ANO3: variants seen among roughly 807,000 people sequenced by gnomAD.
The protein encoded by ANO3 is anoctamin-3.
ANO3 carries 99 observed loss-of-function variants against 144.8 expected under a neutral mutation model. That is an observed-to-expected ratio of 0.68 (90% CI 0.58 to 0.81). The LOEUF (loss-of-function observed/expected upper bound fraction) is 0.81. Among genes scored for constraint, ANO3 ranks in the 30% least tolerant of loss-of-function variants. The pLI, the probability that ANO3 is intolerant of heterozygous loss-of-function variation, is 0.00. For missense variants in ANO3, 905 were observed against 1,202.2 expected (o/e 0.75, Z 3.66); for synonymous variants, 414 against 392.6 (o/e 1.05, Z -0.64).
At chr11:26,478,940 G>C (rs1464089660) in intron 4 of ANO3, among the ~76,000 whole-genome samples, 1 of 152,182 alleles carries the variant, frequency 6.6e-6, no homozygotes, top group African/African-American at 2.4e-5. Context: ...CCAGTTTTAT[G>C]TGTTGCCCAA....
upstream of ANO3, among the ~76,000 whole-genome samples, chr11:26,305,459 G>T (rs903432434): frequency 1.3e-5 from 2 of 150,496 alleles, no homozygotes; most frequent in African/African-American, 4.9e-5. Flanking sequence ...TTAGCATGGG[G>T]TTTTTCCACC....
At chr11:26,220,312 A>G (rs1325198222) in intron 1 of ANO3, among the ~76,000 whole-genome samples, 1 of 152,208 alleles carries the variant, frequency 6.6e-6, no homozygotes, top group African/African-American at 2.4e-5. Context: ...TATAGGCAGG[A>G]TGATCAGGCA....
At chr11:26,621,960 A>C (rs1056321292) in intron 17 of ANO3, among the ~76,000 whole-genome samples, 1 of 152,294 alleles carries the variant, frequency 6.6e-6, no homozygotes, top group South Asian at 2.1e-4. Context: ...AATCACACAC[A>C]AATGTACACA....
At chr11:26,268,292 T>A (rs931425414) in intron 1 of ANO3, among the ~76,000 whole-genome samples, 1 of 152,212 alleles carries the variant, frequency 6.6e-6, no homozygotes, top group Non-Finnish European at 1.5e-5. Flanking sequence ...ATGGGATTAA[T>A]GGCATCAATA....
intron 1 of ANO3, among the ~76,000 whole-genome samples, chr11:26,435,058 CTT>C (rs1023549428): frequency 4.6e-5 from 7 of 152,150 alleles, no homozygotes; most frequent in African/African-American, 1.7e-4. Flanking sequence ...GTTGAAGTCT[CTT>C]TGTAGGTCTC....
chr11:26,521,909 G>T (rs2134161173), intron 6 of ANO3, among the ~76,000 whole-genome samples: 1 of 152,288 alleles, frequency 6.6e-6, no homozygotes, highest in Admixed American at 6.5e-5. Context: ...GAGCGGCCGG[G>T]CGCGGTGGCT....
intron 1 of ANO3, among the ~76,000 whole-genome samples, chr11:26,227,570 G>A (rs1287908186): frequency 6.6e-6 from 1 of 152,150 alleles, no homozygotes; most frequent in Admixed American, 6.5e-5. Flanking sequence ...CTCTACAGTT[G>A]ATATTGGGAA....
intron 1 of ANO3, among the ~76,000 whole-genome samples, chr11:26,351,974 C>T (rs1855657292): frequency 6.6e-6 from 1 of 152,230 alleles, no homozygotes; most frequent in Non-Finnish European, 1.5e-5. Context: ...GTAGCAATAG[C>T]CCAGGGCAAC....
intron 1 of ANO3, among the ~76,000 whole-genome samples, chr11:26,238,684 T>A (rs186013077): frequency 1.0e-3 from 153 of 152,150 alleles, no homozygotes; most frequent in African/African-American, 3.6e-3. Context: ...ATAATAAACA[T>A]AACAGATACA....
chr11:26,469,112 G>C (rs1414023009), intron 4 of ANO3, among the ~76,000 whole-genome samples: 1 of 151,790 alleles, frequency 6.6e-6, no homozygotes, highest in South Asian at 2.1e-4. Context: ...TACTGAAAAG[G>C]CATTATCCTC....
chr11:26,519,717 G>A lies in ANO3; in HGVS notation c.692+2790G>A, dbSNP rs935263327. ...TACTTCCCAAAGGCCCCACCTCCAA[G>A]AACCATTAAGTATTGGAATTTCAAC... is the stretch of plus-strand genomic sequence containing the variant. On this transcript the variant is annotated intron_variant, in intron 6 of 26. Coordinates refer to ENST00000256737, the MANE Select transcript of ANO3 (RefSeq NM_031418.4). Among the ~76,000 whole-genome samples the A allele has an allele frequency of 2.0e-5, 3 of 152,114 alleles. 1 individual carries two copies. Among genetic ancestry groups the A allele is most frequent in the Admixed American group, 2.0e-4 (3 of 15,278 alleles).
At chr11:26,335,916 A>C (rs1855181149) in intron 1 of ANO3, among the ~76,000 whole-genome samples, 1 of 152,178 alleles carries the variant, frequency 6.6e-6, no homozygotes, top group Admixed American at 6.5e-5. Context: ...ATTTTACTCC[A>C]CTGTAAATTT....
At chr11:26,617,604 T>G (rs988302736) in intron 17 of ANO3, among the ~76,000 whole-genome samples, 1 of 152,222 alleles carries the variant, frequency 6.6e-6, no homozygotes, top group Non-Finnish European at 1.5e-5. Context: ...TAAATATCTA[T>G]TTCTACTTAT....
rs1379202385 is a variant in ANO3, at chr11:26,641,981, C to G, written c.2227C>G (p.Leu743Val). The stretch of plus-strand genomic sequence containing the variant: ...ACCTCAGTGGGAAAATGATTGGAAT[C>G]TGCAGCCCATGAACCTTCATGGACT... The part of the protein sequence containing the change: ...SIPQWENDWN[L>V]QPMNLHGLMD... Residue 743 changes from leucine to valine, a missense_variant, in exon 22 of 27, where the codon CTG becomes GTG. Leu to Val is a conservative substitution (Grantham distance 32). Around this residue, in one of 4 missense-constraint regions of ANO3, gnomAD observed 597 missense variants for 865.1 expected, o/e 0.69. Transcript: ENST00000256737. 1 of 1,613,950 alleles carries G rather than the reference C, an allele frequency of 6.2e-7. No individual in the cohort carries two copies. Among genetic ancestry groups the G allele is most frequent in the African/African-American group, 1.3e-5 (1 of 74,994 alleles).
intron 1 of ANO3, among the ~76,000 whole-genome samples, chr11:26,377,176 A>G (rs767838736): frequency 2.0e-5 from 3 of 152,286 alleles, no homozygotes; most frequent in East Asian, 1.9e-4. Flanking sequence ...AATAACTTGA[A>G]TATTCAAAAG....
In ANO3 at chr11:26,418,047, T is replaced by C. The variant is rs561792015; in HGVS notation, c.47-23871T>C. ...AATAAATTTTCCCATTCTTAGGGTT[T>C]TGAAATTAGTATTCAATGATAAAAT... On this transcript the variant is annotated intron_variant, in intron 1 of 26. Coordinates refer to ENST00000256737, the MANE Select transcript of ANO3 (RefSeq NM_031418.4). Among the ~76,000 whole-genome samples, 73 of 152,248 alleles carry C rather than the reference T, an allele frequency of 4.8e-4. 2 individuals are homozygous for C. In the South Asian group the frequency reaches 0.014, roughly 29 times the overall value.
At chr11:26,644,435 C>T (rs1318350001) in intron 23 of ANO3, among the ~76,000 whole-genome samples, 3 of 152,146 alleles carry the variant, frequency 2.0e-5, no homozygotes, top group Non-Finnish European at 4.4e-5. Flanking sequence ...ATCATATTCA[C>T]ATATAGTTTG....
intron 14 of ANO3, chr11:26,572,303 A>C: frequency 1.1e-6 from 1 of 902,024 alleles, no homozygotes; most frequent in Non-Finnish European, 1.3e-6. Context: ...ACAACAACAA[A>C]AGCCCAACCC....
intron 3 of ANO3, among the ~76,000 whole-genome samples, chr11:26,457,465 T>C (rs140310886): frequency 6.6e-6 from 1 of 152,192 alleles, no homozygotes; most frequent in Non-Finnish European, 1.5e-5. Context: ...AGCCCTAAAT[T>C]ACTTATTTTT....
Sources: allele counts gnomAD v4.1 joint callset (sites outside exome capture counted in the v4.1 genomes callset), GRCh38; gene constraint gnomAD v4.1.1; regional missense constraint gnomAD v4.1.1; transcripts MANE v1.5; gene names NCBI Gene and HGNC (gene_info 2026-07-23, HGNC 2026-07-21).